Variants in ZNF454 observed in about 807,000 individuals in gnomAD.
ZNF454 encodes the protein zinc finger protein 454.
ZNF454 carries 30 observed loss-of-function variants against 48.2 expected under a neutral mutation model. The ratio of observed to expected loss-of-function variants is 0.62; its 90% CI spans 0.47 to 0.84. The LOEUF (loss-of-function observed/expected upper bound fraction) is 0.84. Among genes scored for constraint, ZNF454 ranks in the 40% least tolerant of loss-of-function variants. The pLI is 0.00. For synonymous variants in ZNF454, 204 were observed against 211.4 expected (o/e 0.97, Z 0.30); for missense variants, 510 against 623.1 (o/e 0.82, Z 1.93).
chr5:178,983,618 A>T, the ZNF454 span: 1 of 380,638 alleles, frequency 2.6e-6, no homozygotes, highest in Admixed American at 3.2e-5. Flanking sequence ...CCCTACTCGC[A>T]TCGCCTCTCT....
chr5:178,957,626 G>A (rs997131028), intron 4 of ZNF454, among the ~76,000 whole-genome samples: 1 of 152,028 alleles, frequency 6.6e-6, no homozygotes, highest in South Asian at 2.1e-4. Context: ...AGCCAGGATG[G>A]TCTCGATCTC....
At chr5:178,947,248 C>T (rs72816649) in intron 4 of ZNF454, among the ~76,000 whole-genome samples, 1 of 152,322 alleles carries the variant, frequency 6.6e-6, no homozygotes, top group Non-Finnish European at 1.5e-5. Context: ...CTAGAAAAGA[C>T]TCAACTTCAT....
chr5:178,978,497 G>C, the ZNF454 span: 1 of 152,248 alleles, frequency 6.6e-6, no homozygotes, highest in African/African-American at 2.4e-5. Flanking sequence ...TCACACAAGT[G>C]AGACAGCCTA....
chr5:178,945,610 G>T (rs1486572441), intron 2 of ZNF454, among the ~76,000 whole-genome samples: 1 of 147,586 alleles, frequency 6.8e-6, no homozygotes, highest in Non-Finnish European at 1.5e-5. Context: ...TGTGTAGGGG[G>T]TGTGGATATG....
rs1229695201 is a variant in ZNF454, at chr5:178,944,333, G to A, written c.33+1509G>A. Among the ~76,000 whole-genome samples, 1 of 152,178 alleles carries A rather than the reference G, an allele frequency of 6.6e-6. No homozygotes were observed. Among genetic ancestry groups the A allele is most frequent in the Non-Finnish European group, 1.5e-5 (1 of 68,040 alleles). ...TCCGCACCCACAGTGCCAGTCTACT[G>A]TGATATTTTCCTTCCTTAACCTTTT... On this transcript the variant is annotated intron_variant, in intron 2 of 4. Transcript: ENST00000519564. The surrounding 1 kb of genome is among the most constrained non-coding windows in gnomAD (Gnocchi z 4.1).
the ZNF454 span, chr5:178,987,376 G>A: frequency 4.7e-5 from 22 of 466,176 alleles, no homozygotes; most frequent in Middle Eastern, 3.2e-4. Flanking sequence ...TCACAGCAGC[G>A]TTATTCACAT....
chr5:178,951,289 A>G (rs1476184117), intron 4 of ZNF454, among the ~76,000 whole-genome samples: 1 of 152,228 alleles, frequency 6.6e-6, no homozygotes, highest in East Asian at 1.9e-4. Context: ...AATATGTAGT[A>G]TTTTTGAACA....
chr5:178,954,057 G>A (rs1434587202), intron 4 of ZNF454, among the ~76,000 whole-genome samples: 2 of 152,096 alleles, frequency 1.3e-5, no homozygotes, highest in African/African-American at 2.4e-5. Flanking sequence ...TCAGAAGTTC[G>A]AGACCAGCCT....
At position 178,964,826 on chromosome 5, in the gene ZNF454, T is replaced by C; in HGVS notation, c.422T>C (p.Val141Ala). 5 of 1,614,158 alleles carry C rather than the reference T, an allele frequency of 3.1e-6. No homozygotes were observed. In the South Asian group the frequency reaches 4.4e-5, roughly 14 times the overall value. ...CAGGAGATCAGTTTGCAGCGAGTGGTACTCACTCACCCCAACACCCCATCA... is the reference window on the plus strand; with the variant it reads ...CAGGAGATCAGTTTGCAGCGAGTGGCACTCACTCACCCCAACACCCCATCA... ...GGQEISLQRV[V>A]LTHPNTPSQE... Residue 141 changes from valine (V) to alanine (A), a missense_variant, in exon 5 of 5, where the codon GTA (valine) becomes GCA (alanine). Physicochemically the swap from Val to Ala is moderately conservative, Grantham distance 64. Coordinates refer to ENST00000519564, the MANE Select transcript of ZNF454 (RefSeq NM_001178089.3).
intron 4 of ZNF454, among the ~76,000 whole-genome samples, chr5:178,956,684 TTTA>T (rs1407933353): frequency 6.0e-5 from 6 of 100,026 alleles, no homozygotes; most frequent in East Asian, 3.3e-4. Flanking sequence ...AATTTATTTA[TTTA>T]TTTATTTATT....
chr5:178,976,213 G>A, the ZNF454 span: 6 of 393,712 alleles, frequency 1.5e-5, no homozygotes, highest in East Asian at 2.3e-4. Context: ...GCCATCCCCC[G>A]CCAGCTGCCC....
At chr5:178,962,724 T>G (rs1158275545) in intron 4 of ZNF454, among the ~76,000 whole-genome samples, 1 of 151,760 alleles carries the variant, frequency 6.6e-6, no homozygotes, top group African/African-American at 2.4e-5. Context: ...CTTCATTGAA[T>G]TTCTTAGCAC....
rs554383090 is a variant in ZNF454 at position 178,945,288 on chromosome 5, C to T, written c.34-1071C>T. 1.3e-3 allele frequency among the ~76,000 whole-genome samples: 195 copies of T among 148,492 alleles called. 1 individual carries two copies. The highest frequency in any genetic ancestry group is 4.5e-3 in the African/African-American group (182 of 40,160). ...GGTATGTGTTGTGTGTATGTGCATG[C>T]GCACTTGTGTGGTACGTGTCTGTCT... On this transcript the variant is annotated intron_variant, in intron 2 of 4. Coordinates refer to ENST00000519564, the MANE Select transcript of ZNF454 (RefSeq NM_001178089.3).
chr5:178,946,280 TA>T lies in ZNF454; in HGVS notation c.34-78del. The T allele has an allele frequency of 9.5e-6, 15 of 1,578,964 alleles. No homozygotes were observed. Among genetic ancestry groups the T allele is most frequent in the Non-Finnish European group, 1.3e-5 (15 of 1,167,304 alleles). The stretch of plus-strand genomic sequence containing the variant: ...AGTCCTGTAAATGCGCACAAGCTCC[TA>T]GGGGCTGCCAGTCTCTTTTCCAGAG... On this transcript the variant is annotated intron_variant, in intron 2 of 4. Transcript: ENST00000519564. This position sits in a 1 kb window ranked among gnomAD's most constrained non-coding sequence, Gnocchi z 4.5.
intron 4 of ZNF454, 46 bp from the exon 5 acceptor site, chr5:178,964,609 G>A (rs543357973): frequency 6.8e-7 from 1 of 1,461,864 alleles, no homozygotes; most frequent in Admixed American, 1.9e-5. Flanking sequence ...CCATCCAAAT[G>A]TTTTGCTAGG....
intron 4 of ZNF454, among the ~76,000 whole-genome samples, chr5:178,951,169 T>C (rs1759544107): frequency 6.6e-6 from 1 of 152,098 alleles, no homozygotes; most frequent in East Asian, 1.9e-4. Context: ...TAAAGAACTG[T>C]TTCTTATTTA....
the ZNF454 span, chr5:178,985,417 A>G: frequency 2.8e-6 from 1 of 362,662 alleles, no homozygotes; most frequent in South Asian, 2.0e-5. Context: ...AAAAAAAAAA[A>G]AACTCACTGG....
chr5:178,981,697 G>A, the ZNF454 span: 2 of 1,613,996 alleles, frequency 1.2e-6, no homozygotes, highest in Non-Finnish European at 1.7e-6. This position sits in a 1 kb window ranked among gnomAD's most constrained non-coding sequence, Gnocchi z 5.1. Context: ...GGGTGGGGCT[G>A]CCACCGTGGA....
At chr5:178,973,741 G>A in the ZNF454 span, among the ~76,000 whole-genome samples, 3 of 151,960 alleles carry the variant, frequency 2.0e-5, no homozygotes, top group East Asian at 3.9e-4. Context: ...TACTCGGGAG[G>A]CTGAGGCAGG....
Sources: allele counts gnomAD v4.1 joint callset (sites outside exome capture counted in the v4.1 genomes callset), GRCh38; gene constraint gnomAD v4.1.1; non-coding constraint Gnocchi (gnomAD v3.1); transcripts MANE v1.5; gene names NCBI Gene and HGNC (gene_info 2026-07-23, HGNC 2026-07-21).